Variants in PRKCA observed in about 807,000 individuals in gnomAD.
The protein encoded by PRKCA is protein kinase C alpha type.
PRKCA carries 27 observed loss-of-function variants against 87.0 expected under a neutral mutation model. The observed-to-expected ratio is 0.31, with a 90% CI of 0.23 to 0.43. The LOEUF (loss-of-function observed/expected upper bound fraction) is 0.43, where lower values mean the gene tolerates loss of function less well. PRKCA is among the 20% of genes least tolerant of loss of function. The probability of loss-of-function intolerance (pLI) is 1.00; values close to 1 mark genes in which losing one functional copy is unlikely to be tolerated. For missense variants in PRKCA, 518 were observed against 852.3 expected (o/e 0.61, Z 4.88); for synonymous variants, 329 against 311.1 (o/e 1.06, Z -0.61).
At chr17:66,472,414 C>T (rs540472337) in intron 2 of PRKCA, among the ~76,000 whole-genome samples, 3 of 152,260 alleles carry the variant, frequency 2.0e-5, no homozygotes, top group South Asian at 4.2e-4. Flanking sequence ...TGGGTTGGCT[C>T]GTTGATGGTA....
intron 3 of PRKCA, among the ~76,000 whole-genome samples, chr17:66,517,940 C>T (rs946833451): frequency 8.5e-5 from 13 of 152,102 alleles, no homozygotes; most frequent in South Asian, 2.1e-4. Flanking sequence ...GTTGTGAGTA[C>T]GGCTGCAGGT....
chr17:66,749,281 T>TC (rs1974376922), intron 13 of PRKCA, among the ~76,000 whole-genome samples: 1 of 85,846 alleles, frequency 1.2e-5, no homozygotes, highest in Admixed American at 1.4e-4. Flanking sequence ...CCTGACCTCC[T>TC]CCCCCTGCCC....
intron 2 of PRKCA, among the ~76,000 whole-genome samples, chr17:66,376,228 G>T (rs1909407794): frequency 6.6e-6 from 1 of 152,116 alleles, no homozygotes; most frequent in Non-Finnish European, 1.5e-5. Flanking sequence ...GTTTGAGAAG[G>T]CCCCCTGGCA....
At chr17:66,744,966 C>T (rs1416229878) in intron 13 of PRKCA, among the ~76,000 whole-genome samples, 2 of 152,196 alleles carry the variant, frequency 1.3e-5, no homozygotes, top group African/African-American at 4.8e-5. Flanking sequence ...TACAACCCTC[C>T]AGCCTCCCTC....
chr17:66,748,285 A>G (rs1466211448), intron 13 of PRKCA, among the ~76,000 whole-genome samples: 1 of 152,194 alleles, frequency 6.6e-6, no homozygotes, highest in African/African-American at 2.4e-5. Context: ...AGATTCCTGT[A>G]TTTTTATGTA....
Position 66,741,659 on chromosome 17 carries a change from A to C in PRKCA, c.1323A>C (p.Val441=), listed in dbSNP as rs781196414. 5 of 1,614,136 alleles carry C rather than the reference A, an allele frequency of 3.1e-6. No individual in the cohort carries two copies. The highest frequency in any genetic ancestry group is 3.4e-6 in the Non-Finnish European group (4 of 1,180,010). Residue 441 remains valine (V), a splice_region_variant and synonymous_variant, in exon 12 of 17, where the codon GTA becomes GTC. Transcript: ENST00000413366. ...QVGKFKEPQA[V]FYAAEISIGL... ...ACCTGAAGCCCGTTTTCTTTTGCAGATTCTATGCGGCAGAGATTTCCATCG... is the reference window on the plus strand; with the variant it reads ...ACCTGAAGCCCGTTTTCTTTTGCAGCTTCTATGCGGCAGAGATTTCCATCG...
At chr17:66,674,313 G>C (rs1211589354) in intron 5 of PRKCA, among the ~76,000 whole-genome samples, 1 of 152,178 alleles carries the variant, frequency 6.6e-6, no homozygotes, top group African/African-American at 2.4e-5. Context: ...AGTGTCCCCA[G>C]CGATGGGGCA....
At chr17:66,548,072 C>T (rs1347230497) in intron 3 of PRKCA, among the ~76,000 whole-genome samples, 1 of 152,182 alleles carries the variant, frequency 6.6e-6, no homozygotes, top group Non-Finnish European at 1.5e-5. Flanking sequence ...ATTACAGAAA[C>T]CATACGAATT....
At chr17:66,368,400 T>A (rs1444207126) in intron 2 of PRKCA, among the ~76,000 whole-genome samples, 8 of 119,886 alleles carry the variant, frequency 6.7e-5, no homozygotes, top group African/African-American at 1.9e-4. Context: ...TTTTTTTTTT[T>A]TTTTTTTTTT....
chr17:66,799,304 ATGG>A (rs1975808595), intron 16 of PRKCA, among the ~76,000 whole-genome samples: 1 of 942 alleles, frequency 1.1e-3, no homozygotes. Flanking sequence ...GGTGGTGGTG[ATGG>A]TGGTGGTGGT....
intron 8 of PRKCA, among the ~76,000 whole-genome samples, chr17:66,714,813 C>T (rs1387727018): frequency 1.3e-5 from 2 of 152,222 alleles, no homozygotes; most frequent in Non-Finnish European, 2.9e-5. Context: ...TTGTCACCTT[C>T]CTGAGCGCCT....
intron 3 of PRKCA, among the ~76,000 whole-genome samples, chr17:66,567,282 A>G (rs1199259736): frequency 1.3e-5 from 2 of 152,216 alleles, no homozygotes; most frequent in Non-Finnish European, 2.9e-5. Flanking sequence ...CAAGATAGGA[A>G]GAGAAGCTGA....
rs970817006 is a variant in PRKCA at position 66,679,213 on chromosome 17, C to T, written c.530-7898C>T. Among the ~76,000 whole-genome samples the T allele has an allele frequency of 2.2e-5, 3 of 137,784 alleles. No homozygotes were observed. The Admixed American group carries it at 2.4e-4, about 11-fold the overall frequency. 90.4% of individuals were successfully genotyped at this position (137,784 alleles called of 152,430 possible). A position where few individuals can be genotyped will look rare whatever the true frequency, so the allele number is the denominator to read the frequency against. The stretch of plus-strand genomic sequence containing the variant: ...TTTTTTTCTTTGAGACAGAGTCTTG[C>T]TCTGTCACCCAGGCTGGAGTGCAGT... On this transcript the variant is annotated intron_variant, in intron 5 of 16. Coordinates refer to ENST00000413366, the MANE Select transcript of PRKCA (RefSeq NM_002737.3).
At chr17:66,449,509 T>C (rs1218912157) in intron 2 of PRKCA, among the ~76,000 whole-genome samples, 1 of 152,170 alleles carries the variant, frequency 6.6e-6, no homozygotes, top group Non-Finnish European at 1.5e-5. Flanking sequence ...CAGTAGTACA[T>C]CCTCAGCCTT....
intron 2 of PRKCA, among the ~76,000 whole-genome samples, chr17:66,372,017 T>C (rs1341347747): frequency 6.6e-6 from 1 of 152,220 alleles, no homozygotes; most frequent in Non-Finnish European, 1.5e-5. Flanking sequence ...AAAATGTGGA[T>C]GGAAACTTCA....
At chr17:66,519,464 T>C (rs1288516659) in intron 3 of PRKCA, among the ~76,000 whole-genome samples, 1 of 152,112 alleles carries the variant, frequency 6.6e-6, no homozygotes, top group African/African-American at 2.4e-5. Flanking sequence ...AGTTGGAAGG[T>C]ATAGTGGACT....
chr17:66,550,460 G>A (rs1339908659), intron 3 of PRKCA, among the ~76,000 whole-genome samples: 1 of 152,144 alleles, frequency 6.6e-6, no homozygotes, highest in Non-Finnish European at 1.5e-5. Flanking sequence ...AGACCAGCCT[G>A]GCCAACATAG....
At position 66,438,920 on chromosome 17, in the gene PRKCA, C is replaced by T. The variant is rs9898333; in HGVS notation, c.206-57281C>T. 9.6e-3 allele frequency among the ~76,000 whole-genome samples: 1,460 copies of T among 152,190 alleles called. 30 individuals are homozygous for T. The highest frequency in any genetic ancestry group is 0.034 in the African/African-American group (1,399 of 41,512). On this transcript the variant is annotated intron_variant, in intron 2 of 16. Coordinates refer to ENST00000413366, the MANE Select transcript of PRKCA (RefSeq NM_002737.3). The stretch of plus-strand genomic sequence containing the variant: ...CGACATGTGGGGATTATGGGAACTA[C>T]AATTCAAGATGAAATTTGGGTGGGG...
At chr17:66,793,603 AAAAAAAAAAAAAAC>A (rs1975595600) in intron 16 of PRKCA, among the ~76,000 whole-genome samples, 1 of 151,226 alleles carries the variant, frequency 6.6e-6, no homozygotes, top group Admixed American at 6.6e-5. Context: ...AAAAAAAAAA[AAAAAAAAAAAAAAC>A]CGGAATGTTC....
Sources: gnomAD v4.1 joint callset for allele counts (sites outside exome capture counted in the v4.1 genomes callset) on GRCh38, gnomAD v4.1.1 for gene constraint, MANE v1.5 for transcripts, NCBI Gene and HGNC (gene_info 2026-07-23, HGNC 2026-07-21) for gene names.